The following TMEM178B variants were observed in gnomAD, a reference collection of about 807,000 sequenced individuals.
TMEM178B encodes transmembrane protein 178B.
A neutral mutation model predicts 31.0 loss-of-function variants in TMEM178B; 5 were observed. The ratio of observed to expected loss-of-function variants is 0.16; its 90% CI spans 0.08 to 0.34. The LOEUF (loss-of-function observed/expected upper bound fraction) is 0.34, where lower values mean the gene tolerates loss of function less well. Ranked by LOEUF, TMEM178B falls within the 10% of genes least tolerant of loss-of-function variation. The pLI, the probability that TMEM178B is intolerant of heterozygous loss-of-function variation, is 1.00. For missense variants in TMEM178B, 275 were observed against 400.3 expected, an observed-to-expected ratio of 0.69 and a Z score of 2.67; for synonymous variants, 164 against 164.0, an observed-to-expected ratio of 1.00 and a Z score of 0.00.
chr7:141,457,555 GT>G (rs1206292882), intron 3 of TMEM178B, among the ~76,000 whole-genome samples: 1 of 152,134 alleles, frequency 6.6e-6, no homozygotes, highest in Admixed American at 6.5e-5. Flanking sequence ...TAGTGGTGAT[GT>G]TTTAACCAAA....
intron 2 of TMEM178B, among the ~76,000 whole-genome samples, chr7:141,311,805 G>A (rs1798915154): frequency 6.6e-6 from 1 of 152,204 alleles, no homozygotes; most frequent in African/African-American, 2.4e-5. Context: ...GCAGTCATCT[G>A]AAGGCATTGT....
At chr7:141,366,928 A>G (rs928116071) in intron 2 of TMEM178B, among the ~76,000 whole-genome samples, 5 of 152,064 alleles carry the variant, frequency 3.3e-5, no homozygotes, top group South Asian at 2.1e-4. Context: ...AAACTATTCA[A>G]TCTCCTGGCT....
intron 1 of TMEM178B, among the ~76,000 whole-genome samples, chr7:141,129,820 C>T (rs1386438333): frequency 6.6e-6 from 1 of 151,974 alleles, no homozygotes; most frequent in African/African-American, 2.4e-5. Flanking sequence ...TTGGTTTGGC[C>T]CAGAAAGGCA....
chr7:141,285,517 T>C (rs1203314863), intron 2 of TMEM178B, among the ~76,000 whole-genome samples: 1 of 152,086 alleles, frequency 6.6e-6, no homozygotes, highest in East Asian at 1.9e-4. Flanking sequence ...ATAGTACATA[T>C]TGTAATGCAT....
chr7:141,364,591 G>A (rs1738384078), intron 2 of TMEM178B, among the ~76,000 whole-genome samples: 1 of 149,632 alleles, frequency 6.7e-6, no homozygotes, highest in Non-Finnish European at 1.5e-5. Flanking sequence ...ACCCAGGAGG[G>A]AGAGGTTGCA....
chr7:141,293,826 G>A (rs1798587098), intron 2 of TMEM178B, among the ~76,000 whole-genome samples: 1 of 152,206 alleles, frequency 6.6e-6, no homozygotes, highest in South Asian at 2.1e-4. Flanking sequence ...CTGGCATGTA[G>A]AGAGTGAGTA....
intron 2 of TMEM178B, among the ~76,000 whole-genome samples, chr7:141,264,857 G>A (rs539039693): frequency 2.6e-5 from 4 of 152,270 alleles, no homozygotes; most frequent in East Asian, 1.9e-4. Context: ...TGTGTTTTGC[G>A]AGCATGTCAA....
intron 1 of TMEM178B, among the ~76,000 whole-genome samples, chr7:141,131,601 C>T (rs529933941): frequency 3.3e-5 from 5 of 152,274 alleles, no homozygotes; most frequent in African/African-American, 9.6e-5. Flanking sequence ...CTTCTTTTAC[C>T]TATCATAGGG....
intron 2 of TMEM178B, among the ~76,000 whole-genome samples, chr7:141,219,267 G>A (rs1006435546): frequency 6.6e-6 from 1 of 152,046 alleles, no homozygotes; most frequent in Non-Finnish European, 1.5e-5. Flanking sequence ...GCTCCAGTAG[G>A]GTCCCTCCAG....
chr7:141,235,138 G>A (rs769009412), intron 2 of TMEM178B, among the ~76,000 whole-genome samples: 2 of 152,108 alleles, frequency 1.3e-5, no homozygotes, highest in Non-Finnish European at 2.9e-5. Flanking sequence ...GGCTTCCGTC[G>A]ACACATCTTC....
At chr7:141,458,438 G>A (rs1245946314) in intron 3 of TMEM178B, among the ~76,000 whole-genome samples, 1 of 152,168 alleles carries the variant, frequency 6.6e-6, no homozygotes, top group Admixed American at 6.5e-5. Flanking sequence ...TCTCAGAAGT[G>A]TATCTTGAGA....
rs150733566 is a variant in TMEM178B, at chr7:141,153,195, T to C, written c.383-59396T>C. ...TTTTTTCCATGTACCCACATGTGTA[T>C]TTTTTTTAAACAAATGGATTTGTGA... On this transcript the variant is annotated intron_variant, in intron 1 of 3. Coordinates refer to ENST00000565468, the MANE Select transcript of TMEM178B (RefSeq NM_001195278.2). Among the ~76,000 whole-genome samples, 1,047 of 152,184 alleles carry C rather than the reference T, an allele frequency of 6.9e-3. 11 individuals carry two copies. Among genetic ancestry groups the C allele is most frequent in the African/African-American group, 0.024 (1,002 of 41,524 alleles).
chr7:141,255,092 G>A (rs779397582), intron 2 of TMEM178B, among the ~76,000 whole-genome samples: 1 of 152,118 alleles, frequency 6.6e-6, no homozygotes, highest in Non-Finnish European at 1.5e-5. Flanking sequence ...TGGGAAGATG[G>A]GACTTAATAT....
chr7:141,086,286 G>A lies in TMEM178B; in HGVS notation c.382+11594G>A, dbSNP rs532467646. Reference sequence around the variant, plus strand: ...ACCTCAAGTGATCCGCCTGCCTTGGGCCTTCCAAAGTGCTAGGATTACAGG... The same window carrying A: ...ACCTCAAGTGATCCGCCTGCCTTGGACCTTCCAAAGTGCTAGGATTACAGG... On this transcript the variant is annotated intron_variant, in intron 1 of 3. Coordinates refer to ENST00000565468, the MANE Select transcript of TMEM178B (RefSeq NM_001195278.2). Among the ~76,000 whole-genome samples the A allele has an allele frequency of 3.3e-5, 5 of 152,204 alleles. No homozygotes were observed. In the South Asian group the frequency reaches 1.0e-3, roughly 32 times the overall value.
intron 1 of TMEM178B, among the ~76,000 whole-genome samples, chr7:141,154,426 G>C (rs1586798986): frequency 6.6e-6 from 1 of 152,218 alleles, no homozygotes; most frequent in African/African-American, 2.4e-5. Flanking sequence ...AGACTGGTTG[G>C]TGTCTTTGTG....
At chr7:141,273,701 C>T (rs4726444) in intron 2 of TMEM178B, among the ~76,000 whole-genome samples, 127,256 of 152,136 alleles carry the variant, frequency 0.84, 53,463 homozygotes, top group East Asian at 0.99. Flanking sequence ...TTGCCTCCAG[C>T]TATAAGCAGG....
At chr7:141,223,919 C>G (rs1225062090) in intron 2 of TMEM178B, among the ~76,000 whole-genome samples, 1 of 152,150 alleles carries the variant, frequency 6.6e-6, no homozygotes, top group Non-Finnish European at 1.5e-5. Context: ...TACTTATAAA[C>G]TGACGTGGTT....
chr7:141,510,593 G>C, the TMEM178B span, among the ~76,000 whole-genome samples: 1 of 137,614 alleles, frequency 7.3e-6, no homozygotes, highest in South Asian at 2.3e-4. Flanking sequence ...ACTGAGGCAG[G>C]AGAATCCCTT....
chr7:141,287,705 A>G (rs1287035176), intron 2 of TMEM178B, among the ~76,000 whole-genome samples: 1 of 152,226 alleles, frequency 6.6e-6, no homozygotes, highest in Non-Finnish European at 1.5e-5. Context: ...AAATGTCCCC[A>G]GACATGGACC....
Sources: allele counts gnomAD v4.1 joint callset (sites outside exome capture counted in the v4.1 genomes callset), GRCh38; gene constraint gnomAD v4.1.1; transcripts MANE v1.5; gene names NCBI Gene and HGNC (gene_info 2026-07-23, HGNC 2026-07-21).